Variants in CRB1 observed in about 807,000 individuals in gnomAD.
The protein encoded by CRB1 is protein crumbs homolog 1.
Under a neutral mutation model 120.0 loss-of-function variants are expected in CRB1, and 83 were observed. That is an observed-to-expected ratio of 0.69 (90% CI 0.58 to 0.83). CRB1 has a LOEUF of 0.83. CRB1 is among the 40% of genes least tolerant of loss of function. The pLI is 0.00. For missense variants in CRB1, 1,699 were observed against 1,687.6 expected (o/e 1.01, Z -0.12); for synonymous variants, 625 against 612.5 (o/e 1.02, Z -0.30).
intron 5 of CRB1, among the ~76,000 whole-genome samples, chr1:197,360,984 G>A (rs923969472): frequency 6.6e-6 from 1 of 152,080 alleles, no homozygotes; most frequent in Non-Finnish European, 1.5e-5. Context: ...TATTGCATTT[G>A]GTCAGATGCA....
chr1:197,406,251 G>A (rs928602200), intron 5 of CRB1, among the ~76,000 whole-genome samples: 1 of 152,246 alleles, frequency 6.6e-6, no homozygotes, highest in Admixed American at 6.5e-5. Flanking sequence ...TTCTGCCTTG[G>A]GATCTTCTTG....
rs756559532 is a variant in CRB1 at position 197,421,802 on chromosome 1, C to T, written c.1974C>T (p.Ile658=). ...GGAATCACATTACCCTGGAGAACAT[C>T]TCGTCTGGCTCATCATTAAATGTCA... is the stretch of plus-strand genomic sequence containing the variant. The part of the protein sequence containing the change: ...IDWNHITLEN[I]SSGSSLNVKA... The change falls in exon 6 of 12, where the codon ATC becomes ATT. Residue 658 remains isoleucine (I), a synonymous_variant. Coordinates refer to ENST00000367400, the MANE Select transcript of CRB1 (RefSeq NM_201253.3). 3.7e-6 allele frequency: 6 copies of T among 1,614,180 alleles called. No individual in the cohort carries two copies. In the Admixed American group the frequency reaches 5.0e-5, roughly 13 times the overall value.
At chr1:197,456,407 G>T (rs564201315) in intron 11 of CRB1, among the ~76,000 whole-genome samples, 6 of 152,184 alleles carry the variant, frequency 3.9e-5, no homozygotes, top group Admixed American at 3.9e-4. Flanking sequence ...TTGTGTGTGT[G>T]AATGTTTTTA....
At chr1:197,405,711 C>T (rs1311914560) in intron 5 of CRB1, among the ~76,000 whole-genome samples, 3 of 151,524 alleles carry the variant, frequency 2.0e-5, no homozygotes, top group Non-Finnish European at 4.4e-5. Context: ...AGGTGAGGAG[C>T]GTCTCTGCCC....
At chr1:197,428,932 C>G in intron 7 of CRB1, 1 of 1,512,890 alleles carries the variant, frequency 6.6e-7, no homozygotes, top group Non-Finnish European at 8.8e-7. Flanking sequence ...TTGTGAGCAA[C>G]CTTGTGAGAA....
chr1:197,394,739 A>G (rs1284126219), intron 5 of CRB1, among the ~76,000 whole-genome samples: 2 of 152,062 alleles, frequency 1.3e-5, no homozygotes, highest in African/African-American at 2.4e-5. Flanking sequence ...CTTTCAACAC[A>G]GGGACACTAT....
the CRB1 span, among the ~76,000 whole-genome samples, chr1:197,205,761 A>G: frequency 1.3e-5 from 2 of 152,094 alleles, no homozygotes; most frequent in Admixed American, 1.3e-4. Context: ...TACTGGCTTC[A>G]TAGAATTATT....
Position 197,435,857 on chromosome 1 carries a change from G to GA in CRB1, c.3749+249dup, listed in dbSNP as rs547048158. Among the ~76,000 whole-genome samples the GA allele has an allele frequency of 5.1e-4, 77 of 152,232 alleles. 1 individual carries two copies. The East Asian group carries it at 0.014, about 27-fold the overall frequency. Reference sequence around the variant, plus strand: ...AAAATATTTTCTCAGTCATCTGTGTGAAAATATGTCTCATGAACTGTAGCC... The same window carrying GA: ...AAAATATTTTCTCAGTCATCTGTGTGAAAAATATGTCTCATGAACTGTAGCC... On this transcript the variant is annotated intron_variant, in intron 9 of 11. Transcript: ENST00000367400.
the CRB1 span, among the ~76,000 whole-genome samples, chr1:197,250,564 G>A: frequency 1.3e-5 from 2 of 151,946 alleles, no homozygotes; most frequent in Admixed American, 6.6e-5. Context: ...TGGAGGGTTG[G>A]TTGATATACG....
At chr1:197,361,768 T>A (rs1046772966) in intron 5 of CRB1, among the ~76,000 whole-genome samples, 1 of 152,006 alleles carries the variant, frequency 6.6e-6, no homozygotes, top group African/African-American at 2.4e-5. Flanking sequence ...CTGATTTTTT[T>A]TAAAAAAATA....
At chr1:197,235,865 CT>C in the CRB1 span, among the ~76,000 whole-genome samples, 8 of 152,224 alleles carry the variant, frequency 5.3e-5, no homozygotes, top group African/African-American at 1.9e-4. Flanking sequence ...GGTATTCGTG[CT>C]TCTGAATTAA....
chr1:197,356,361 C>A (rs1178770413), intron 4 of CRB1, among the ~76,000 whole-genome samples: 1 of 152,142 alleles, frequency 6.6e-6, no homozygotes, highest in Non-Finnish European at 1.5e-5. Flanking sequence ...TAAGTCCATG[C>A]AAATTTAAAA....
chr1:197,470,683 A>C (rs1030471720), intron 11 of CRB1, among the ~76,000 whole-genome samples: 1 of 152,220 alleles, frequency 6.6e-6, no homozygotes, highest in Non-Finnish European at 1.5e-5. Context: ...GCTTCTGCCT[A>C]AAATCTGGTA....
At chr1:197,308,882 C>T (rs1657331780) in intron 1 of CRB1, among the ~76,000 whole-genome samples, 1 of 150,604 alleles carries the variant, frequency 6.6e-6, no homozygotes, top group African/African-American at 2.4e-5. Context: ...ATAGGATTTA[C>T]AGTATCTACA....
At chr1:197,309,155 T>C (rs1342776822) in intron 1 of CRB1, among the ~76,000 whole-genome samples, 1 of 152,076 alleles carries the variant, frequency 6.6e-6, no homozygotes, top group South Asian at 2.1e-4. Flanking sequence ...AGTGTGAGTA[T>C]ATATATTTAT....
At chr1:197,437,013 T>C (rs539895643) in intron 9 of CRB1, among the ~76,000 whole-genome samples, 14 of 152,306 alleles carry the variant, frequency 9.2e-5, no homozygotes, top group African/African-American at 3.4e-4. Context: ...ATTTTTCTTC[T>C]AAGTCACATT....
At chr1:197,303,939 G>T (rs180864649) in intron 1 of CRB1, among the ~76,000 whole-genome samples, 1 of 152,084 alleles carries the variant, frequency 6.6e-6, no homozygotes, top group Non-Finnish European at 1.5e-5. Context: ...AATGAACTAT[G>T]ATCATGCCAT....
chr1:197,351,691 T>G (rs1660120581), intron 4 of CRB1, among the ~76,000 whole-genome samples: 2 of 152,146 alleles, frequency 1.3e-5, no homozygotes, highest in Admixed American at 1.3e-4. Flanking sequence ...TGAGCCTGTT[T>G]GCTAGAACGA....
the CRB1 span, among the ~76,000 whole-genome samples, chr1:197,240,402 G>T: frequency 6.6e-6 from 1 of 152,076 alleles, no homozygotes; most frequent in Non-Finnish European, 1.5e-5. Context: ...GGTGTGCGAT[G>T]TTCCCCTCCC....
Sources: gnomAD v4.1 joint callset for allele counts (sites outside exome capture counted in the v4.1 genomes callset) on GRCh38, gnomAD v4.1.1 for gene constraint, MANE v1.5 for transcripts, NCBI Gene and HGNC (gene_info 2026-07-23, HGNC 2026-07-21) for gene names.